The following SCHIP1 variants were observed in gnomAD, a reference collection of about 807,000 sequenced individuals.
SCHIP1 encodes schwannomin-interacting protein 1.
Under a neutral mutation model 29.7 loss-of-function variants are expected in SCHIP1, and 8 were observed. The ratio of observed to expected loss-of-function variants is 0.27; its 90% confidence interval spans 0.16 to 0.49. The LOEUF is 0.49. SCHIP1 is among the 20% of genes least tolerant of loss of function. The probability of loss-of-function intolerance (pLI) is 0.99; values close to 1 mark genes in which losing one functional copy is unlikely to be tolerated. For synonymous variants in SCHIP1, 76 were observed against 94.9 expected, an observed-to-expected ratio of 0.80 and a Z score of 1.16; for missense variants, 193 against 294.6, an observed-to-expected ratio of 0.66 and a Z score of 2.52.
At chr3:159,695,514 C>A in the SCHIP1 span, among the ~76,000 whole-genome samples, 1 of 152,136 alleles carries the variant, frequency 6.6e-6, no homozygotes, top group Non-Finnish European at 1.5e-5. Flanking sequence ...TTTTCTCCAC[C>A]TTCATCTCTC....
chr3:159,772,703 A>G, the SCHIP1 span, among the ~76,000 whole-genome samples: 19 of 152,178 alleles, frequency 1.2e-4, no homozygotes, highest in Non-Finnish European at 1.8e-4. Flanking sequence ...CTTTCTTAAA[A>G]GCTTATCCAA....
chr3:159,375,560 C>A, the SCHIP1 span: 1 of 152,298 alleles, frequency 6.6e-6, no homozygotes, highest in South Asian at 2.1e-4. Flanking sequence ...CATGGTGAAA[C>A]CCTGTCTCTA....
chr3:159,739,975 A>G, the SCHIP1 span, among the ~76,000 whole-genome samples: 6 of 152,184 alleles, frequency 3.9e-5, no homozygotes, highest in Non-Finnish European at 7.3e-5. Flanking sequence ...AGCCTCACAA[A>G]TACTTTCCAG....
chr3:159,832,953 G>T, the SCHIP1 span, among the ~76,000 whole-genome samples: 1 of 152,118 alleles, frequency 6.6e-6, no homozygotes, highest in African/African-American at 2.4e-5. Context: ...TGTTATTGTT[G>T]TTAATCTCTT....
chr3:159,759,218 G>C, the SCHIP1 span, among the ~76,000 whole-genome samples: 1 of 151,934 alleles, frequency 6.6e-6, no homozygotes, highest in Non-Finnish European at 1.5e-5. Flanking sequence ...ATAATTTTAG[G>C]TGTACATAGA....
the SCHIP1 span, among the ~76,000 whole-genome samples, chr3:159,616,177 A>C: frequency 6.6e-6 from 1 of 152,194 alleles, no homozygotes; most frequent in East Asian, 1.9e-4. Flanking sequence ...GGGGCAAGAT[A>C]GCATTTTTGT....
At chr3:159,778,588 TCA>T in the SCHIP1 span, among the ~76,000 whole-genome samples, 1 of 152,210 alleles carries the variant, frequency 6.6e-6, no homozygotes, top group Admixed American at 6.5e-5. Flanking sequence ...TAATATATCC[TCA>T]CAGGCTGTGA....
chr3:159,493,596 A>G, the SCHIP1 span, among the ~76,000 whole-genome samples: 1 of 151,664 alleles, frequency 6.6e-6, no homozygotes, highest in South Asian at 2.1e-4. Flanking sequence ...ACCCAGATTC[A>G]TAAAGCAAGT....
chr3:159,560,446 A>T, the SCHIP1 span, among the ~76,000 whole-genome samples: 1 of 151,770 alleles, frequency 6.6e-6, no homozygotes, highest in Non-Finnish European at 1.5e-5. Context: ...AAAGTTTTTG[A>T]CCCCTGTGGC....
chr3:159,328,066 C>G, the SCHIP1 span, among the ~76,000 whole-genome samples: 1 of 152,170 alleles, frequency 6.6e-6, no homozygotes, highest in East Asian at 1.9e-4. Flanking sequence ...CCTTTATAGC[C>G]TTACAGCTGT....
At chr3:159,509,141 C>T in the SCHIP1 span, among the ~76,000 whole-genome samples, 3 of 152,158 alleles carry the variant, frequency 2.0e-5, no homozygotes, top group East Asian at 1.9e-4. Flanking sequence ...GCTTTATGAA[C>T]CTTGGTGCTC....
the SCHIP1 span, among the ~76,000 whole-genome samples, chr3:159,668,470 T>C: frequency 2.0e-5 from 3 of 150,360 alleles, no homozygotes; most frequent in Non-Finnish European, 4.4e-5. Flanking sequence ...TGGAGGTGTA[T>C]ACCTACTGTG....
chr3:159,655,490 G>A, the SCHIP1 span, among the ~76,000 whole-genome samples: 389 of 152,228 alleles, frequency 2.6e-3, 1 homozygote, highest in Non-Finnish European at 4.7e-3. Flanking sequence ...TAGCTCTCTC[G>A]GGTAGGACAA....
At chr3:159,505,866 T>A in the SCHIP1 span, among the ~76,000 whole-genome samples, 1 of 152,244 alleles carries the variant, frequency 6.6e-6, no homozygotes, top group African/African-American at 2.4e-5. Context: ...TAATCCAGTC[T>A]ATCATTGTTG....
At chr3:159,843,822 CAA>C (rs1161141544) in intron 1 of SCHIP1, among the ~76,000 whole-genome samples, 4 of 39,986 alleles carry the variant, frequency 1.0e-4, no homozygotes, top group Non-Finnish European at 1.5e-4. Flanking sequence ...GACTCTGTCT[CAA>C]AAAAAAAAAA....
the SCHIP1 span, among the ~76,000 whole-genome samples, chr3:159,484,416 T>A: frequency 6.6e-6 from 1 of 152,174 alleles, no homozygotes; most frequent in Non-Finnish European, 1.5e-5. Context: ...CTTAGATAAT[T>A]ATGGCCAGAG....
chr3:159,397,427 CT>C, the SCHIP1 span, among the ~76,000 whole-genome samples: 1 of 152,062 alleles, frequency 6.6e-6, no homozygotes, highest in East Asian at 1.9e-4. Flanking sequence ...TCTTTCTGTT[CT>C]TTTTTTTCCC....
At chr3:159,343,753 T>C in the SCHIP1 span, among the ~76,000 whole-genome samples, 1 of 152,222 alleles carries the variant, frequency 6.6e-6, no homozygotes, top group Non-Finnish European at 1.5e-5. Context: ...ACATATTACT[T>C]GGACAATGCT....
chr3:159,529,845 G>A, the SCHIP1 span, among the ~76,000 whole-genome samples: 1 of 152,076 alleles, frequency 6.6e-6, no homozygotes. Context: ...ATATGAGTGA[G>A]AGCATGAAAT....
Sources: allele counts gnomAD v4.1 joint callset (sites outside exome capture counted in the v4.1 genomes callset), GRCh38; gene constraint gnomAD v4.1.1; transcripts MANE v1.5; gene names NCBI Gene and HGNC (gene_info 2026-07-23, HGNC 2026-07-21).